The following PRKN variants were observed in gnomAD, a reference collection of about 807,000 sequenced individuals.
PRKN encodes E3 ubiquitin-protein ligase parkin.
In PRKN, 56 loss-of-function variants were observed where a neutral mutation model predicts 59.5. The ratio of observed to expected loss-of-function variants is 0.94; its 90% CI spans 0.76 to 1.18. The LOEUF (loss-of-function observed/expected upper bound fraction) is 1.18, where lower values mean the gene tolerates loss of function less well. Among genes scored for constraint, PRKN ranks in the 50% most tolerant of loss-of-function variants. The pLI is 0.00. For synonymous variants in PRKN, 250 were observed against 222.1 expected (o/e 1.13, Z -1.12); for missense variants, 657 against 596.4 (o/e 1.10, Z -1.06).
chr6:161,482,324 T>C (rs777410410), intron 9 of PRKN, among the ~76,000 whole-genome samples: 2 of 152,182 alleles, frequency 1.3e-5, no homozygotes, highest in Non-Finnish European at 2.9e-5. Flanking sequence ...TGAAGAATAT[T>C]TGTCAGCATG....
At chr6:162,519,653 A>G (rs555574470) in intron 1 of PRKN, among the ~76,000 whole-genome samples, 1 of 152,274 alleles carries the variant, frequency 6.6e-6, no homozygotes, top group South Asian at 2.1e-4. Flanking sequence ...CCCACATGAA[A>G]CAAACCCATC....
intron 6 of PRKN, among the ~76,000 whole-genome samples, chr6:161,855,530 C>T (rs1326290636): frequency 6.6e-6 from 1 of 152,136 alleles, no homozygotes; most frequent in Non-Finnish European, 1.5e-5. Flanking sequence ...AAGAGTACTC[C>T]AAACACAGGC....
chr6:162,038,605 T>C (rs1269088656), intron 5 of PRKN, among the ~76,000 whole-genome samples: 2 of 152,208 alleles, frequency 1.3e-5, no homozygotes, highest in Non-Finnish European at 2.9e-5. Flanking sequence ...GTCTGAGCTA[T>C]TGTCTACTAG....
intron 7 of PRKN, among the ~76,000 whole-genome samples, chr6:161,638,430 C>T (rs1034349704): frequency 2.0e-5 from 3 of 152,058 alleles, no homozygotes; most frequent in South Asian, 2.1e-4. Context: ...CCATCGTGTC[C>T]GGCCACACTG....
intron 5 of PRKN, 33 bp from the exon 6 acceptor site, chr6:161,973,450 G>C: frequency 8.5e-7 from 1 of 1,182,996 alleles, no homozygotes; most frequent in Non-Finnish European, 1.3e-6. Context: ...CACACACATG[G>C]ATCCCGGCTG....
chr6:162,062,745 G>A (rs1778150605), intron 4 of PRKN, among the ~76,000 whole-genome samples: 1 of 152,052 alleles, frequency 6.6e-6, no homozygotes, highest in African/African-American at 2.4e-5. Flanking sequence ...TCCAGTCTGG[G>A]GTATTTTGTC....
rs140256413 is a variant in PRKN, at chr6:162,605,414, C to T, written c.7+122248G>A. Among the ~76,000 whole-genome samples, 55 of 152,162 alleles carry T rather than the reference C, an allele frequency of 3.6e-4. No homozygotes were observed. The East Asian group carries it at 6.6e-3, about 18-fold the overall frequency. On this transcript the variant is annotated intron_variant, in intron 1 of 11. Transcript: ENST00000366898. ...AATAGCAGTGAAATTTTATCAATAT[C>T]AACTAGGTAAAATAAACCCAGAAAA...
At chr6:162,532,672 C>G (rs908303776) in intron 1 of PRKN, among the ~76,000 whole-genome samples, 5 of 152,214 alleles carry the variant, frequency 3.3e-5, no homozygotes, top group African/African-American at 9.6e-5. Context: ...AAAAAATAAT[C>G]TATCTCTTCC....
At chr6:162,226,967 G>C (rs939425582) in intron 3 of PRKN, among the ~76,000 whole-genome samples, 9 of 152,312 alleles carry the variant, frequency 5.9e-5, no homozygotes, top group East Asian at 5.8e-4. Flanking sequence ...TCATTCTCTT[G>C]CTGCGCTAAT....
intron 5 of PRKN, among the ~76,000 whole-genome samples, chr6:162,049,876 G>A (rs142045165): frequency 1.9e-4 from 29 of 152,240 alleles, no homozygotes; most frequent in African/African-American, 5.5e-4. Context: ...AATCGGACGC[G>A]TCCTTCCTAA....
intron 2 of PRKN, among the ~76,000 whole-genome samples, chr6:162,405,138 C>G (rs138751288): frequency 7.2e-4 from 110 of 152,260 alleles, no homozygotes; most frequent in African/African-American, 2.6e-3. Context: ...TAAGAGACAA[C>G]TCAAAAAAGG....
At chr6:162,306,026 A>C (rs909933958) in intron 2 of PRKN, among the ~76,000 whole-genome samples, 2 of 152,152 alleles carry the variant, frequency 1.3e-5, no homozygotes, top group Non-Finnish European at 2.9e-5. Context: ...CTTAGGACCA[A>C]ATCTTCTATA....
chr6:161,439,080 A>G (rs1789064044), intron 9 of PRKN, among the ~76,000 whole-genome samples: 1 of 152,226 alleles, frequency 6.6e-6, no homozygotes, highest in South Asian at 2.1e-4. Flanking sequence ...ACTTTCGAAA[A>G]GAGAAAGTAA....
In PRKN at chr6:161,548,915, A is replaced by C; in HGVS notation, c.1022T>G (p.Leu341Arg). 1 of 1,614,166 alleles carries C rather than the reference A, an allele frequency of 6.2e-7. No individual in the cohort carries two copies. The highest frequency in any genetic ancestry group is 1.3e-5 in the African/African-American group (1 of 75,060). ...TTTCCTCTGGTCAGGCTCCGGCAGC[A>C]GCCCCGCTCCACAGCCAGGGCGGGG... ...LCPRPGCGAG[L>R]LPEPDQRKVT... Residue 341 changes from leucine (L) to arginine (R), a missense_variant, in exon 9 of 12, where the codon CTG becomes CGG. Coordinates refer to ENST00000366898, the MANE Select transcript of PRKN (RefSeq NM_004562.3). The surrounding 1 kb of genome is among the most constrained non-coding windows in gnomAD (Gnocchi z 4.2).
intron 1 of PRKN, 74 bp from the exon 2 acceptor site, chr6:162,443,547 TCTC>T: frequency 7.1e-7 from 1 of 1,399,336 alleles, no homozygotes; most frequent in Non-Finnish European, 1.0e-6. Flanking sequence ...TAGCAACATT[TCTC>T]AACCGATTTA....
rs148658341 is a variant in PRKN, at chr6:161,891,572, G to A, written c.734+81730C>T. Among the ~76,000 whole-genome samples the A allele has an allele frequency of 3.7e-3, 568 of 152,222 alleles. 3 individuals carry two copies. The highest frequency in any genetic ancestry group is 0.013 in the African/African-American group (525 of 41,546). ...AAACTACAGCAAGTTTGTTTTTAGAGTGTCTTCCAAGTACCAGCCCTTTGT... is the reference window on the plus strand; with the variant it reads ...AAACTACAGCAAGTTTGTTTTTAGAATGTCTTCCAAGTACCAGCCCTTTGT... On this transcript the variant is annotated intron_variant, in intron 6 of 11. Transcript: ENST00000366898.
intron 7 of PRKN, among the ~76,000 whole-genome samples, chr6:161,622,291 G>T (rs148584799): frequency 1.3e-5 from 2 of 152,152 alleles, no homozygotes; most frequent in Non-Finnish European, 2.9e-5. Flanking sequence ...AGATCTGGCC[G>T]CCATTCCCAT....
chr6:162,374,262 A>G (rs1277562009), intron 2 of PRKN, among the ~76,000 whole-genome samples: 1 of 152,188 alleles, frequency 6.6e-6, no homozygotes, highest in African/African-American at 2.4e-5. Flanking sequence ...ATTGGGAAGT[A>G]GTTGGATAGT....
intron 5 of PRKN, among the ~76,000 whole-genome samples, chr6:162,015,873 G>T (rs975070031): frequency 5.3e-5 from 8 of 152,104 alleles, no homozygotes; most frequent in African/African-American, 9.7e-5. Flanking sequence ...GTATCTACTC[G>T]CAGGGTAGGA....
Sources: allele counts gnomAD v4.1 joint callset (sites outside exome capture counted in the v4.1 genomes callset), GRCh38; gene constraint gnomAD v4.1.1; non-coding constraint Gnocchi (gnomAD v3.1); transcripts MANE v1.5; gene names NCBI Gene and HGNC (gene_info 2026-07-23, HGNC 2026-07-21).